CDKL2: variants seen among roughly 807,000 people sequenced by gnomAD.
CDKL2 encodes the protein cyclin dependent kinase like 2.
A neutral mutation model predicts 63.9 loss-of-function variants in CDKL2; 64 were observed. That is an observed-to-expected ratio of 1.00 (90% CI 0.82 to 1.23). CDKL2 has a LOEUF of 1.23. Among genes scored for constraint, CDKL2 ranks in the 50% most tolerant of loss-of-function variants. The pLI, the probability that CDKL2 is intolerant of heterozygous loss-of-function variation, is 0.00. For missense variants in CDKL2, 656 were observed against 668.0 expected, an observed-to-expected ratio of 0.98 and a Z score of 0.20; for synonymous variants, 211 against 229.2, an observed-to-expected ratio of 0.92 and a Z score of 0.72.
chr4:75,586,457 C>G (rs973270242), intron 12 of CDKL2, among the ~76,000 whole-genome samples: 1 of 152,042 alleles, frequency 6.6e-6, no homozygotes, highest in African/African-American at 2.4e-5. Context: ...GTCTCGATCT[C>G]CTGACCTTGT....
chr4:75,608,490 T>C (rs1337297148), intron 3 of CDKL2, among the ~76,000 whole-genome samples: 1 of 151,962 alleles, frequency 6.6e-6, no homozygotes, highest in African/African-American at 2.4e-5. Context: ...GCTGACATAC[T>C]AGGAAGTGTG....
chr4:75,592,734 C>G (rs1728768514), intron 10 of CDKL2, among the ~76,000 whole-genome samples: 3 of 152,144 alleles, frequency 2.0e-5, no homozygotes, highest in Non-Finnish European at 4.4e-5. Context: ...TTTTGTTGTT[C>G]ATTTTTCTAT....
chr4:75,597,144 T>C lies in CDKL2; in HGVS notation c.1113A>G (p.Arg371=). The stretch of plus-strand genomic sequence containing the variant: ...CATGGAGACAGCTGGCATTTGAAGC[T>C]CTATTGCCTTTTTCAGCTTTTTCTC... The part of the protein sequence containing the change: ...IDGEKAEKGN[R]ASNASCLHDS... The change falls in exon 9 of 14, where the codon AGA becomes AGG. Residue 371 remains arginine, a synonymous_variant. Coordinates refer to ENST00000307465, the MANE Select transcript of CDKL2 (RefSeq NM_001330724.2). 6.2e-7 allele frequency: 1 copy of C among 1,613,996 alleles called. No homozygotes were observed. Among genetic ancestry groups the C allele is most frequent in the Non-Finnish European group, 8.5e-7 (1 of 1,179,872 alleles).
In CDKL2 at chr4:75,605,540, G is replaced by T. The variant is rs1578335828; in HGVS notation, c.637C>A (p.His213Asn). ...PGDSDIDQLY[H>N]IMMCLGNLIP... is the part of the protein sequence containing the mutation. ...ACCTTACCTAAACACATCATAATATGATATAGCTGATCAATATCAGAATCT... is the reference window on the plus strand; with the variant it reads ...ACCTTACCTAAACACATCATAATATTATATAGCTGATCAATATCAGAATCT... The change falls in exon 5 of 14, where the codon CAT (histidine) becomes AAT (asparagine). Residue 213 changes from histidine to asparagine, a missense_variant. His to Asn is a moderately conservative substitution (Grantham distance 68). Coordinates refer to ENST00000307465, the MANE Select transcript of CDKL2 (RefSeq NM_001330724.2). The T allele has an allele frequency of 2.5e-6, 4 of 1,601,598 alleles. No homozygotes were observed. The highest frequency in any genetic ancestry group is 1.7e-5 in the Admixed American group (1 of 59,966).
At chr4:75,595,992 G>A (rs867369580) in intron 10 of CDKL2, 1 of 319,608 alleles carries the variant, frequency 3.1e-6, no homozygotes, top group Non-Finnish European at 5.4e-6. Flanking sequence ...AAGGAAGGAA[G>A]GAAGGAAGGA....
intron 6 of CDKL2, among the ~76,000 whole-genome samples, chr4:75,600,689 G>T (rs1729151234): frequency 1.3e-5 from 2 of 152,042 alleles, no homozygotes; most frequent in Non-Finnish European, 2.9e-5. Flanking sequence ...CGAACTCTGA[G>T]CTCAAGCTAT....
chr4:75,626,708 C>T (rs1344979817), intron 1 of CDKL2, among the ~76,000 whole-genome samples: 3 of 147,550 alleles, frequency 2.0e-5, no homozygotes, highest in South Asian at 4.3e-4. Flanking sequence ...GGGCAACATA[C>T]TGAGACTCTG....
At position 75,629,662 on chromosome 4, in the gene CDKL2, G is replaced by A. The variant is rs192930816; in HGVS notation, c.-30+380C>T. ...TTTGTTTAAGACAGATTAAAGGGCC[G>A]GGAGCGGTGGCTCACGCCTGTAATC... On this transcript the variant is annotated intron_variant, in intron 1 of 13. Coordinates refer to ENST00000307465, the MANE Select transcript of CDKL2 (RefSeq NM_001330724.2). Among the ~76,000 whole-genome samples the A allele has an allele frequency of 2.2e-3, 337 of 152,224 alleles. 1 individual carries two copies. Among genetic ancestry groups the A allele is most frequent in the African/African-American group, 7.8e-3 (323 of 41,558 alleles).
In CDKL2 at chr4:75,603,979, T is replaced by A. The variant is rs749601577; in HGVS notation, c.656-23A>T. ...TACCTGGAAGTGAAAACAGCACATA[T>A]CTCTGTTATTATACAACATGATAGA... On this transcript the variant is annotated intron_variant, in intron 5 of 13. Coordinates refer to ENST00000307465, the MANE Select transcript of CDKL2 (RefSeq NM_001330724.2). 4.4e-6 allele frequency: 7 copies of A among 1,592,546 alleles called. No homozygotes were observed. In the Admixed American group the frequency reaches 9.1e-5, roughly 21 times the overall value.
intron 2 of CDKL2, among the ~76,000 whole-genome samples, chr4:75,618,499 C>T (rs998396113): frequency 6.6e-6 from 1 of 151,914 alleles, no homozygotes; most frequent in African/African-American, 2.4e-5. Context: ...GGTGATCCGC[C>T]CGCCTTGGCC....
chr4:75,579,684 AG>A (rs1728177617), intron 13 of CDKL2, among the ~76,000 whole-genome samples: 1 of 151,576 alleles, frequency 6.6e-6, no homozygotes, highest in South Asian at 2.1e-4. Flanking sequence ...CTCAAAAAAA[AG>A]AAAAACTATC....
rs1002268240 is a variant in CDKL2 at position 75,598,884 on chromosome 4, T to C, written c.885-672A>G. ...TGGGTCTATGGGAAACATTTTCTTT[T>C]AACAAATAAACAAAGTGATCTTGTC... On this transcript the variant is annotated intron_variant, in intron 7 of 13. Transcript: ENST00000307465. Among the ~76,000 whole-genome samples, 5 of 152,174 alleles carry C rather than the reference T, an allele frequency of 3.3e-5. No homozygotes were observed. In the East Asian group the frequency reaches 9.6e-4, roughly 29 times the overall value.
intron 9 of CDKL2, 104 bp from the exon 10 acceptor site, chr4:75,596,444 G>A: frequency 1.4e-6 from 1 of 698,606 alleles, no homozygotes; most frequent in South Asian, 1.6e-5. Flanking sequence ...AGTTTAACCA[G>A]AGTGTAATGT....
intron 12 of CDKL2, among the ~76,000 whole-genome samples, chr4:75,590,360 G>C (rs538913476): frequency 6.6e-6 from 1 of 152,330 alleles, no homozygotes; most frequent in Non-Finnish European, 1.5e-5. Context: ...AGCATCTCTA[G>C]ATAATTTGTT....
chr4:75,623,278 C>CA (rs996270194), intron 2 of CDKL2, among the ~76,000 whole-genome samples: 10 of 150,908 alleles, frequency 6.6e-5, no homozygotes, highest in South Asian at 2.1e-4. Flanking sequence ...AACCCTGTCT[C>CA]AAAAAAAAAC....
chr4:75,612,362 G>A (rs1213444270), intron 3 of CDKL2, among the ~76,000 whole-genome samples: 2 of 152,176 alleles, frequency 1.3e-5, no homozygotes, highest in Non-Finnish European at 2.9e-5. Flanking sequence ...TCTAAAGGTA[G>A]AATGTGTTAT....
rs1403262517 is a variant in CDKL2 at position 75,579,198 on chromosome 4, T to C, written c.*24-20A>G. Reference sequence around the variant, plus strand: ...CATCATCTAAAAGCACAGGAGGATATACCACCAACTATTTTACAAAAAATC... The same window carrying C: ...CATCATCTAAAAGCACAGGAGGATACACCACCAACTATTTTACAAAAAATC... On this transcript the variant is annotated intron_variant, in intron 13 of 13. Transcript: ENST00000307465. The C allele has an allele frequency of 6.6e-6, 1 of 152,222 alleles. No individual in the cohort carries two copies. Among genetic ancestry groups the C allele is most frequent in the Non-Finnish European group, 1.5e-5 (1 of 68,044 alleles). 9.4% of individuals were successfully genotyped at this position (152,222 alleles called of 1,614,324 possible). A position where few individuals can be genotyped will look rare whatever the true frequency, so the allele number is the denominator to read the frequency against.
chr4:75,585,773 A>T (rs550065685), intron 12 of CDKL2, among the ~76,000 whole-genome samples: 53 of 152,300 alleles, frequency 3.5e-4, no homozygotes, highest in Non-Finnish European at 5.7e-4. Flanking sequence ...TTAATTAATT[A>T]AATTAAATTA....
intron 3 of CDKL2, among the ~76,000 whole-genome samples, chr4:75,608,860 G>A (rs1412187177): frequency 6.6e-6 from 1 of 152,130 alleles, no homozygotes; most frequent in African/African-American, 2.4e-5. Context: ...TGGGCGTGCT[G>A]GCACGCGCTT....
Sources: gnomAD v4.1 joint callset for allele counts (sites outside exome capture counted in the v4.1 genomes callset) on GRCh38, gnomAD v4.1.1 for gene constraint, MANE v1.5 for transcripts, NCBI Gene and HGNC (gene_info 2026-07-23, HGNC 2026-07-21) for gene names.